PLEKHG1: variants seen among roughly 807,000 people sequenced by gnomAD.
PLEKHG1 encodes the protein pleckstrin homology and RhoGEF domain containing G1, also known as pleckstrin homology domain-containing family G member 1.
In PLEKHG1, 44 loss-of-function variants were observed where a neutral mutation model predicts 100.8. The ratio of observed to expected loss-of-function variants is 0.44; its 90% CI spans 0.34 to 0.56. The LOEUF (loss-of-function observed/expected upper bound fraction) is 0.56, where lower values mean the gene tolerates loss of function less well. PLEKHG1 is among the 20% of genes least tolerant of loss of function. PLEKHG1 has a pLI of 0.01. For synonymous variants in PLEKHG1, 640 were observed against 662.5 expected, an observed-to-expected ratio of 0.97 and a Z score of 0.52; for missense variants, 1,545 against 1,720.9, an observed-to-expected ratio of 0.90 and a Z score of 1.81.
At chr6:150,612,053 C>CG (rs1343924725) in intron 1 of PLEKHG1, among the ~76,000 whole-genome samples, 10 of 104,986 alleles carry the variant, frequency 9.5e-5, no homozygotes, top group South Asian at 4.5e-4. Flanking sequence ...GTTCCCCCCC[C>CG]CCCCCCCTTT....
At chr6:150,625,025 T>C (rs2128558988) in intron 1 of PLEKHG1, 1 of 152,244 alleles carries the variant, frequency 6.6e-6, no homozygotes, top group South Asian at 2.1e-4. Flanking sequence ...ACCCCGTCTC[T>C]ATTAAAAATA....
At chr6:150,743,438 A>G (rs1384009001) in intron 2 of PLEKHG1, among the ~76,000 whole-genome samples, 2 of 152,178 alleles carry the variant, frequency 1.3e-5, no homozygotes, top group African/African-American at 4.8e-5. Flanking sequence ...AGGCAGGAGA[A>G]TCACTTGAGC....
At chr6:150,668,383 G>T in intron 3 of PLEKHG1, among the ~76,000 whole-genome samples, 1 of 152,168 alleles carries the variant, frequency 6.6e-6, no homozygotes, top group Non-Finnish European at 1.5e-5. Flanking sequence ...TGGTTTTCTT[G>T]GAGAGCCAAC....
chr6:150,690,421 C>T (rs1255990717), intron 3 of PLEKHG1, among the ~76,000 whole-genome samples: 1 of 152,090 alleles, frequency 6.6e-6, no homozygotes, highest in Non-Finnish European at 1.5e-5. Context: ...GCTGCTACTA[C>T]TTCAAGAAGG....
intron 1 of PLEKHG1, 133 bp from the exon 3 acceptor site, chr6:150,733,451 C>A: frequency 1.5e-6 from 1 of 687,456 alleles, no homozygotes; most frequent in Non-Finnish European, 2.3e-6. Flanking sequence ...ACCACAGGTA[C>A]CTTTGCATCC....
At chr6:150,607,323 C>T (rs1776642794) in intron 1 of PLEKHG1, among the ~76,000 whole-genome samples, 2 of 152,162 alleles carry the variant, frequency 1.3e-5, no homozygotes, top group South Asian at 4.1e-4. Flanking sequence ...CAGAGCTCAG[C>T]TTTCCATGGC....
chr6:150,647,795 A>AT (rs1490072370), intron 2 of PLEKHG1, among the ~76,000 whole-genome samples: 1 of 152,136 alleles, frequency 6.6e-6, no homozygotes, highest in Non-Finnish European at 1.5e-5. Flanking sequence ...AATATTCTTA[A>AT]TTTTTTAAAA....
Position 150,808,421 on chromosome 6 carries a change from GT to G in PLEKHG1, c.913-673del, listed in dbSNP as rs57433304. Among the ~76,000 whole-genome samples the G allele has an allele frequency of 1.5e-3, 229 of 147,978 alleles. 1 individual carries two copies. Among genetic ancestry groups the G allele is most frequent in the Middle Eastern group, 3.5e-3 (1 of 284 alleles). On this transcript the variant is annotated intron_variant, in intron 7 of 15. Coordinates refer to ENST00000358517, the Ensembl canonical transcript of PLEKHG1. ...TCTTCAAGTCAACAGCTCTGAAGGA[GT>G]TTTTTTTTTTCCCAGAGAGGAGGGG...
At chr6:150,825,305 G>C (rs967135642) in intron 14 of PLEKHG1, among the ~76,000 whole-genome samples, 1 of 152,180 alleles carries the variant, frequency 6.6e-6, no homozygotes, top group Non-Finnish European at 1.5e-5. Context: ...GCCAGGTGTG[G>C]TGGCACACAC....
chr6:150,701,459 A>ATATATATG (rs1780781985), intron 3 of PLEKHG1, among the ~76,000 whole-genome samples: 1 of 82,724 alleles, frequency 1.2e-5, no homozygotes, highest in Non-Finnish European at 2.0e-5. Flanking sequence ...ATATATATAT[A>ATATATATG]TATATATAAT....
chr6:150,696,630 A>G (rs1780555229), intron 3 of PLEKHG1, among the ~76,000 whole-genome samples: 1 of 152,196 alleles, frequency 6.6e-6, no homozygotes, highest in Non-Finnish European at 1.5e-5. Flanking sequence ...GGAATCTTCA[A>G]CCAACCAGAA....
chr6:150,756,042 C>T (rs1360638161), intron 2 of PLEKHG1, among the ~76,000 whole-genome samples: 1 of 152,124 alleles, frequency 6.6e-6, no homozygotes. Context: ...GAAACCTCGT[C>T]CGTAAGAGTC....
chr6:150,840,373 G>A (rs1304885653), exon 16 of PLEKHG1: 2 of 1,614,072 alleles, frequency 1.2e-6, no homozygotes, highest in African/African-American at 1.3e-5. Flanking sequence ...TCTTTACACA[G>A]AAGTTCAAGG....
intron 2 of PLEKHG1, among the ~76,000 whole-genome samples, chr6:150,742,588 AAAAAG>A (rs1782934976): frequency 6.8e-6 from 1 of 146,610 alleles, no homozygotes; most frequent in African/African-American, 2.6e-5. Context: ...AAAAAAAAAA[AAAAAG>A]AGCGCAGGGA....
chr6:150,680,973 A>G (rs912638928), intron 3 of PLEKHG1, among the ~76,000 whole-genome samples: 8 of 152,232 alleles, frequency 5.3e-5, no homozygotes, highest in African/African-American at 1.9e-4. Context: ...TGCCCTTGGG[A>G]AGTAATCTCT....
chr6:150,742,585 AAAAAAAAG>A (rs1303884560), intron 2 of PLEKHG1, among the ~76,000 whole-genome samples: 11 of 150,716 alleles, frequency 7.3e-5, no homozygotes, highest in African/African-American at 2.4e-4. Context: ...AAAAAAAAAA[AAAAAAAAG>A]AGCGCAGGGA....
chr6:150,738,364 C>T (rs116640122), intron 2 of PLEKHG1, among the ~76,000 whole-genome samples: 2,109 of 152,104 alleles, frequency 0.014, 54 homozygotes, highest in African/African-American at 0.048. Context: ...GTGTATACAC[C>T]GAGTTAAAAA....
chr6:150,747,826 G>A (rs1255717908), intron 2 of PLEKHG1, among the ~76,000 whole-genome samples: 2 of 151,920 alleles, frequency 1.3e-5, no homozygotes, highest in East Asian at 3.9e-4. Context: ...AACTCAGGAG[G>A]TGGGGGTTGC....
intron 10 of PLEKHG1, among the ~76,000 whole-genome samples, chr6:150,812,235 ACT>A (rs1248614114): frequency 2.0e-5 from 3 of 151,946 alleles, no homozygotes; most frequent in African/African-American, 7.3e-5. Flanking sequence ...GGATCAGGAG[ACT>A]CTTGCTAGAG....
Sources: allele counts gnomAD v4.1 joint callset (sites outside exome capture counted in the v4.1 genomes callset), GRCh38; gene constraint gnomAD v4.1.1; transcripts MANE v1.5; gene names NCBI Gene and HGNC (gene_info 2026-07-23, HGNC 2026-07-21).